CATSPERG: variants seen among roughly 807,000 people sequenced by gnomAD.
The protein encoded by CATSPERG is catsper channel auxiliary subunit gamma, also known as cation channel sperm-associated auxiliary subunit gamma.
Under a neutral mutation model 145.0 loss-of-function variants are expected in CATSPERG, and 115 were observed. The observed-to-expected ratio is 0.79, with a 90% CI of 0.68 to 0.93. CATSPERG has a LOEUF of 0.93. Ranked by LOEUF, CATSPERG falls within the 40% of genes least tolerant of loss-of-function variation. CATSPERG has a pLI of 0.00. For missense variants in CATSPERG, 1,296 were observed against 1,490.1 expected (o/e 0.87, Z 2.14); for synonymous variants, 588 against 589.0 (o/e 1.00, Z 0.02).
rs1447195650 is a variant in CATSPERG, at chr19:38,361,638, C to T, written c.1881-10C>T. On this transcript the variant is annotated splice_polypyrimidine_tract_variant and intron_variant, in intron 16 of 28. Coordinates refer to ENST00000409235, the MANE Select transcript of CATSPERG (RefSeq NM_021185.5). Reference sequence around the variant, plus strand: ...AGAGCCAGCAGCCTTTCCCCCTTGCCACTGCCCAGGGGCTACTTGATGCTC... The same window carrying T: ...AGAGCCAGCAGCCTTTCCCCCTTGCTACTGCCCAGGGGCTACTTGATGCTC... 1 of 1,605,868 alleles carries T rather than the reference C, an allele frequency of 6.2e-7. No individual in the cohort carries two copies. Among genetic ancestry groups the T allele is most frequent in the Non-Finnish European group, 8.5e-7 (1 of 1,178,448 alleles).
chr19:38,363,801 G>C (rs539302118), intron 20 of CATSPERG, among the ~76,000 whole-genome samples: 2 of 152,254 alleles, frequency 1.3e-5, no homozygotes, highest in African/African-American at 4.8e-5. Context: ...AGATCAACAG[G>C]ATCCCAAGGC....
At chr19:38,340,500 G>A (rs140691045) in intron 3 of CATSPERG, among the ~76,000 whole-genome samples, 2 of 150,012 alleles carry the variant, frequency 1.3e-5, no homozygotes, top group African/African-American at 4.9e-5. Flanking sequence ...TTGTATTTTT[G>A]GTAGAGATGG....
chr19:38,360,714 C>T lies in CATSPERG; in HGVS notation c.1768-17C>T. On this transcript the variant is annotated splice_polypyrimidine_tract_variant and intron_variant, in intron 15 of 28. Transcript: ENST00000409235. Reference sequence around the variant, plus strand: ...AGGGCTGACCCCAGCTCACCTGGCCCTGCCTTCCCCCTGCAGCTGGTGTAC... The same window carrying T: ...AGGGCTGACCCCAGCTCACCTGGCCTTGCCTTCCCCCTGCAGCTGGTGTAC... 3 of 1,614,072 alleles carry T rather than the reference C, an allele frequency of 1.9e-6. No individual in the cohort carries two copies. In the East Asian group the frequency reaches 6.7e-5, roughly 36 times the overall value.
chr19:38,344,353 C>A lies in CATSPERG; in HGVS notation c.654C>A (p.Phe218Leu), dbSNP rs1246207484. Residue 218 changes from phenylalanine to leucine, a missense_variant, in exon 6 of 29, where the codon TTC becomes TTA. Transcript: ENST00000409235. ...GAGACCGGGACAATAACATCCAATT[C>A]ACTGTGGGAGAGGAGGTGAGGGAAT... ...LKRDRDNNIQ[F>L]TVGEELFNLM... 1.3e-6 allele frequency: 2 copies of A among 1,551,546 alleles called. No individual in the cohort carries two copies. The highest frequency in any genetic ancestry group is 1.7e-4 in the Middle Eastern group (1 of 6,000).
chr19:38,346,097 T>G (rs1970036919), intron 6 of CATSPERG, among the ~76,000 whole-genome samples: 1 of 151,798 alleles, frequency 6.6e-6, no homozygotes, highest in African/African-American at 2.4e-5. Context: ...AGAAGAAGAG[T>G]GCAATATTTA....
chr19:38,359,790 C>T (rs1060455), intron 14 of CATSPERG: 41,154 of 1,311,444 alleles, frequency 0.031, 1,603 homozygotes, highest in East Asian at 0.2. Flanking sequence ...AGCTATGATC[C>T]GATGTTCAGA....
chr19:38,342,370 C>T (rs58496534), intron 3 of CATSPERG, among the ~76,000 whole-genome samples: 4 of 151,772 alleles, frequency 2.6e-5, no homozygotes, highest in Non-Finnish European at 4.4e-5. Flanking sequence ...GAGGCCGAAG[C>T]GCGCAGATCA....
Position 38,360,833 on chromosome 19 carries a change from G to T in CATSPERG, c.1870G>T (p.Glu624Ter). The T allele has an allele frequency of 1.2e-6, 2 of 1,610,434 alleles. No homozygotes were observed. Among genetic ancestry groups the T allele is most frequent in the South Asian group, 2.2e-5 (2 of 90,500 alleles). Residue 624 changes from glutamate to a stop codon, truncating the protein, a stop_gained, in exon 16 of 29, where the codon GAG becomes TAG. Coordinates refer to ENST00000409235, the MANE Select transcript of CATSPERG (RefSeq NM_021185.5). LOFTEE classifies it high-confidence loss of function. ...YQQHTSHYDL[E>*]RKGGYLMLSF... ...ACAGCACACCAGCCACTATGACTTG[G>T]AGCGGAAAGGGTGAGAAGACACCGG...
At chr19:38,336,977 A>G (rs1776370358) in intron 1 of CATSPERG, 1 of 570,876 alleles carries the variant, frequency 1.8e-6, no homozygotes, top group South Asian at 2.0e-5. Flanking sequence ...GGGCGGGACC[A>G]GGAGCAAGTG....
rs757735931 is a variant in CATSPERG at position 38,362,221 on chromosome 19, C to G, written c.2106C>G (p.Asp702Glu). The change falls in exon 18 of 29, where the codon GAC (aspartate) becomes GAG (glutamate). Residue 702 changes from aspartate (D) to glutamate (E), a missense_variant. Transcript: ENST00000409235. Reference protein sequence around the residue: ...LHSVYDKPYADPVHDPTWRWW... With the variant: ...LHSVYDKPYAEPVHDPTWRWW... ...GGCGATCCCTGCAGCCGTACGCGGACCCGGTGCACGACCCCACCTGGCGCT... is the reference window on the plus strand; with the variant it reads ...GGCGATCCCTGCAGCCGTACGCGGAGCCGGTGCACGACCCCACCTGGCGCT... 1.9e-6 allele frequency: 3 copies of G among 1,602,982 alleles called. No individual in the cohort carries two copies. The highest frequency in any genetic ancestry group is 1.1e-5 in the South Asian group (1 of 90,082).
chr19:38,344,706 A>ACAG (rs1969998882), intron 6 of CATSPERG, among the ~76,000 whole-genome samples: 1 of 147,422 alleles, frequency 6.8e-6, no homozygotes. Flanking sequence ...ACATACATAT[A>ACAG]TAGTACATAC....
intron 9 of CATSPERG, 23 bp from the exon 10 acceptor site, chr19:38,356,461 A>G (rs1264768046): frequency 1.9e-6 from 3 of 1,613,336 alleles, no homozygotes; most frequent in Non-Finnish European, 2.5e-6. Context: ...GGGCCTGAAC[A>G]TGAACCCGAC....
At position 38,364,985 on chromosome 19, in the gene CATSPERG, C is replaced by T; in HGVS notation, c.2556+14C>T. ...ATGACGGTCAATGTGAGGTCCAAGC[C>T]TGGAGGGGAGGGTGCAGGATGGTGG... On this transcript the variant is annotated intron_variant, in intron 21 of 28. Coordinates refer to ENST00000409235, the MANE Select transcript of CATSPERG (RefSeq NM_021185.5). The T allele has an allele frequency of 6.2e-7, 1 of 1,613,706 alleles. No homozygotes were observed. The highest frequency in any genetic ancestry group is 1.7e-5 in the Admixed American group (1 of 60,026).
intron 7 of CATSPERG, among the ~76,000 whole-genome samples, chr19:38,347,912 G>A (rs1253782061): frequency 6.7e-6 from 1 of 149,844 alleles, no homozygotes; most frequent in Non-Finnish European, 1.5e-5. Context: ...CTGTACTCCA[G>A]CCTGGGCGAT....
intron 3 of CATSPERG, among the ~76,000 whole-genome samples, chr19:38,338,272 C>T (rs1238742872): frequency 6.6e-6 from 1 of 152,110 alleles, no homozygotes; most frequent in Admixed American, 6.5e-5. Context: ...CCTCAGCCTC[C>T]CAAGTAGCTG....
At chr19:38,356,646 C>A (rs1970248590) in intron 10 of CATSPERG, 96 bp from the exon 11 acceptor site, 1 of 1,591,258 alleles carries the variant, frequency 6.3e-7, no homozygotes, top group African/African-American at 1.3e-5. Flanking sequence ...TGGGCAGTGT[C>A]TTAGGGAGGG....
Position 38,362,745 on chromosome 19 carries a change from C to T in CATSPERG, c.2388C>T (p.Asp796=). ...CCTTCCAGCTGCATAGCCAGGTGGA[C>T]GTGGGCGTGGTGCTGGCCGACCCCG... is the stretch of plus-strand genomic sequence containing the variant. ...GTAFQLHSQV[D]VGVVLADPGC... Residue 796 remains aspartate (D), a synonymous_variant, in exon 20 of 29, where the codon GAC becomes GAT. Coordinates refer to ENST00000409235, the MANE Select transcript of CATSPERG (RefSeq NM_021185.5). The T allele has an allele frequency of 6.2e-7, 1 of 1,614,050 alleles. No individual in the cohort carries two copies. Among genetic ancestry groups the T allele is most frequent in the Non-Finnish European group, 8.5e-7 (1 of 1,180,002 alleles).
intron 22 of CATSPERG, 80 bp from the exon 23 acceptor site, chr19:38,367,076 C>A: frequency 7.4e-7 from 1 of 1,346,898 alleles, no homozygotes; most frequent in Non-Finnish European, 1.0e-6. Flanking sequence ...GGGAGGGGGA[C>A]TGTCCTTCCT....
chr19:38,359,974 G>T, intron 14 of CATSPERG: 1 of 1,043,430 alleles, frequency 9.6e-7, no homozygotes, highest in Non-Finnish European at 1.2e-6. Flanking sequence ...ATGTCAGGGA[G>T]GGCTTCATGG....
Sources: allele counts gnomAD v4.1 joint callset (sites outside exome capture counted in the v4.1 genomes callset), GRCh38; gene constraint gnomAD v4.1.1; transcripts MANE v1.5; gene names NCBI Gene and HGNC (gene_info 2026-07-23, HGNC 2026-07-21).